Variants in AFDN observed in about 807,000 individuals in gnomAD.
AFDN encodes the protein afadin, adherens junction formation factor.
In AFDN, 68 loss-of-function variants were observed where a neutral mutation model predicts 216.6. The ratio of observed to expected loss-of-function variants is 0.31; its 90% confidence interval spans 0.26 to 0.38. AFDN has a LOEUF of 0.38. AFDN is among the 10% of genes least tolerant of loss of function. The pLI is 1.00. For missense variants in AFDN, 2,136 were observed against 2,342.0 expected (o/e 0.91, Z 1.82); for synonymous variants, 868 against 853.7 (o/e 1.02, Z -0.29).
intron 6 of AFDN, among the ~76,000 whole-genome samples, chr6:167,883,002 G>A (rs752991551): frequency 3.3e-5 from 5 of 151,914 alleles, no homozygotes; most frequent in Non-Finnish European, 5.9e-5. Context: ...GGTGTTACGT[G>A]GATGGAATAA....
chr6:167,945,308 G>T (rs1179289016), intron 26 of AFDN, among the ~76,000 whole-genome samples: 1 of 152,098 alleles, frequency 6.6e-6, no homozygotes, highest in Non-Finnish European at 1.5e-5. Context: ...GTCTTCAGGG[G>T]CAGTGACATG....
At chr6:167,921,252 A>T (rs1791757154) in intron 21 of AFDN, among the ~76,000 whole-genome samples, 1 of 152,214 alleles carries the variant, frequency 6.6e-6, no homozygotes, top group Non-Finnish European at 1.5e-5. Flanking sequence ...TGAGCTCTTG[A>T]CTTGATGATG....
Position 167,951,905 on chromosome 6 carries a change from T to C in AFDN, c.4551T>C (p.Ser1517=). ...VSKEELSSGD[S]LSPDPWKRDA... ...AAGAGGAGCTTTCCTCGGGGGACAG[T>C]CTGTCCCCCGACCCGTGGAAGCGGG... The change falls in exon 30 of 34, where the codon AGT becomes AGC. Residue 1517 remains serine, a synonymous_variant. Coordinates refer to ENST00000683244, the MANE Select transcript of AFDN (RefSeq NM_001386888.1). This position sits in a 1 kb window ranked among gnomAD's most constrained non-coding sequence, Gnocchi z 7.1. The C allele has an allele frequency of 6.2e-7, 1 of 1,613,836 alleles. No homozygotes were observed.
chr6:167,934,249 C>T (rs571316206), intron 23 of AFDN, among the ~76,000 whole-genome samples: 1 of 152,196 alleles, frequency 6.6e-6, no homozygotes, highest in South Asian at 2.1e-4. Context: ...AAAGCATAAA[C>T]GAAACCCAGA....
At chr6:167,942,066 T>TTTTGGTTTGG (rs57273828) in intron 23 of AFDN, among the ~76,000 whole-genome samples, 1 of 151,796 alleles carries the variant, frequency 6.6e-6, no homozygotes, top group Admixed American at 6.6e-5. Flanking sequence ...AGGCGTTTTG[T>TTTTGGTTTGG]TTTGGTTTGG....
At chr6:167,826,687 C>T (rs1583047215), upstream of AFDN, 4 of 449,522 alleles carry the variant, frequency 8.9e-6, no homozygotes, top group Admixed American at 2.3e-5. Context: ...AACCCGGTAC[C>T]GCCGGTTGGG....
intron 1 of AFDN, among the ~76,000 whole-genome samples, chr6:167,832,090 A>C (rs1176939886): frequency 6.6e-6 from 1 of 152,236 alleles, no homozygotes; most frequent in Non-Finnish European, 1.5e-5. Context: ...TTTCTGGCTG[A>C]TAGTATATAG....
rs771734580 is a variant in AFDN, at chr6:167,951,199, C to A, written c.3845C>A (p.Ser1282Tyr). The A allele has an allele frequency of 3.3e-5, 52 of 1,557,500 alleles. No individual in the cohort carries two copies. The highest frequency in any genetic ancestry group is 4.3e-5 in the Non-Finnish European group (50 of 1,155,330). ...SSIAIQRVTR[S>Y]QEELREDKAY... ...TTCTTTTTGCAGCGTGTTACACGTT[C>A]CCAAGAAGAACTTCGAGAAGATAAA... The change falls in exon 30 of 34, where the codon TCC becomes TAC. Residue 1282 changes from serine (S) to tyrosine (Y), a missense_variant. By Grantham distance (144) the Ser-to-Tyr change is moderately radical. Coordinates refer to ENST00000683244, the MANE Select transcript of AFDN (RefSeq NM_001386888.1). This position sits in a 1 kb window ranked among gnomAD's most constrained non-coding sequence, Gnocchi z 7.1.
At chr6:167,956,760 T>C (rs1796561108) in intron 30 of AFDN, among the ~76,000 whole-genome samples, 1 of 152,152 alleles carries the variant, frequency 6.6e-6, no homozygotes, top group Admixed American at 6.5e-5. Context: ...ACCCCCTTTT[T>C]TCTCTGTTCA....
At chr6:167,859,685 A>C (rs1347916189) in intron 1 of AFDN, among the ~76,000 whole-genome samples, 4 of 152,142 alleles carry the variant, frequency 2.6e-5, no homozygotes, top group African/African-American at 9.7e-5. Flanking sequence ...TTTATTAATG[A>C]AATACTGATA....
At position 167,958,295 on chromosome 6, in the gene AFDN, T is replaced by A. The variant is rs554426615; in HGVS notation, c.4834-4138T>A. On this transcript the variant is annotated intron_variant, in intron 30 of 33. Transcript: ENST00000683244. ...TAGTCCAAAAATAAAAAATCCAAAA[T>A]TTGAAACACTTCTGGTTCCAAGCAT... Among the ~76,000 whole-genome samples the A allele has an allele frequency of 7.9e-5, 12 of 152,296 alleles. No individual in the cohort carries two copies. The South Asian group carries it at 2.5e-3, about 32-fold the overall frequency.
At chr6:167,960,790 C>T (rs559071050) in intron 30 of AFDN, among the ~76,000 whole-genome samples, 149 of 152,232 alleles carry the variant, frequency 9.8e-4, no homozygotes, top group Non-Finnish European at 1.8e-3. Flanking sequence ...AAGGCGTCAC[C>T]GACGGCTTCC....
intron 17 of AFDN, 47 bp from the exon 18 acceptor site, chr6:167,914,597 A>G: frequency 7.6e-7 from 1 of 1,322,398 alleles, no homozygotes; most frequent in Admixed American, 1.7e-5. Flanking sequence ...GTCTGACAAT[A>G]GCTGTCTGTC....
At chr6:167,888,741 A>G (rs1427066993) in intron 6 of AFDN, among the ~76,000 whole-genome samples, 10 of 150,894 alleles carry the variant, frequency 6.6e-5, no homozygotes, top group Non-Finnish European at 1.3e-4. Context: ...AATCATAAAG[A>G]GATTATTTCA....
intron 26 of AFDN, among the ~76,000 whole-genome samples, chr6:167,945,614 T>C (rs1028853020): frequency 3.9e-5 from 6 of 152,190 alleles, no homozygotes; most frequent in African/African-American, 1.4e-4. Context: ...TTACACTGGC[T>C]AAGATCATTT....
At chr6:167,964,939 T>G in intron 31 of AFDN, 4 of 1,057,926 alleles carry the variant, frequency 3.8e-6, no homozygotes, top group Non-Finnish European at 4.6e-6. Flanking sequence ...TTAAAAGAAT[T>G]TTAACACTGT....
In AFDN at chr6:167,870,512, G is replaced by A. The variant is rs376921435; in HGVS notation, c.414+14G>A. ...ATTCCTCCTAAGGTAGGAACCCTCA[G>A]TATTTTATGACGGTCTTGGTCCAGG... On this transcript the variant is annotated intron_variant, in intron 3 of 33. Coordinates refer to ENST00000683244, the MANE Select transcript of AFDN (RefSeq NM_001386888.1). 1 of 1,540,506 alleles carries A rather than the reference G, an allele frequency of 6.5e-7. No homozygotes were observed. The highest frequency in any genetic ancestry group is 1.2e-5 in the South Asian group (1 of 85,856).
chr6:167,826,638 G>T, upstream of AFDN: 1 of 496,012 alleles, frequency 2.0e-6, no homozygotes, highest in Non-Finnish European at 4.1e-6. Context: ...ATCCAGCAGC[G>T]CGCGTCCGAA....
At chr6:167,834,469 T>TG (rs1780191419) in intron 1 of AFDN, among the ~76,000 whole-genome samples, 1 of 145,678 alleles carries the variant, frequency 6.9e-6, no homozygotes, top group Non-Finnish European at 1.5e-5. Context: ...TTTTTTTTTT[T>TG]TTTTTTTTTT....
Sources: allele counts gnomAD v4.1 joint callset (sites outside exome capture counted in the v4.1 genomes callset), GRCh38; gene constraint gnomAD v4.1.1; non-coding constraint Gnocchi (gnomAD v3.1); transcripts MANE v1.5; gene names NCBI Gene and HGNC (gene_info 2026-07-23, HGNC 2026-07-21).